The following NR3C2 variants were observed in gnomAD, a reference collection of about 807,000 sequenced individuals.
NR3C2 encodes the protein nuclear receptor subfamily 3 group C member 2.
In NR3C2, 15 loss-of-function variants were observed where a neutral mutation model predicts 86.4. The ratio of observed to expected loss-of-function variants is 0.17; its 90% CI spans 0.12 to 0.27. The LOEUF is 0.27. Ranked by LOEUF, NR3C2 falls within the 10% of genes least tolerant of loss-of-function variation. The pLI, the probability that NR3C2 is intolerant of heterozygous loss-of-function variation, is 1.00. For synonymous variants in NR3C2, 458 were observed against 450.5 expected, an observed-to-expected ratio of 1.02 and a Z score of -0.21; for missense variants, 960 against 1,195.6, an observed-to-expected ratio of 0.80 and a Z score of 2.91.
intron 3 of NR3C2, among the ~76,000 whole-genome samples, chr4:148,217,968 C>A (rs1354847231): frequency 6.6e-6 from 1 of 152,192 alleles, no homozygotes; most frequent in Non-Finnish European, 1.5e-5. Context: ...CAAGGCAAAT[C>A]TACTGTAACT....
intron 8 of NR3C2, among the ~76,000 whole-genome samples, chr4:148,099,280 GCCACACCCCCATGACA>G: frequency 6.6e-6 from 1 of 152,284 alleles, no homozygotes; most frequent in East Asian, 1.9e-4. Context: ...GGACTGCAAG[GCCACACCCCCATGACA>G]CTTGGCCCTG....
At chr4:148,318,788 A>G (rs1743376437) in intron 2 of NR3C2, among the ~76,000 whole-genome samples, 1 of 152,114 alleles carries the variant, frequency 6.6e-6, no homozygotes, top group East Asian at 1.9e-4. Context: ...CCTTTGTCAG[A>G]TGAGTAGGTT....
At chr4:148,273,853 C>T (rs574951490) in intron 2 of NR3C2, among the ~76,000 whole-genome samples, 121 of 152,270 alleles carry the variant, frequency 7.9e-4, no homozygotes, top group African/African-American at 2.7e-3. Context: ...AACAGAATCA[C>T]GGTGATCCTG....
chr4:148,320,011 G>C (rs571822853), intron 2 of NR3C2, among the ~76,000 whole-genome samples: 31 of 147,552 alleles, frequency 2.1e-4, no homozygotes, highest in Non-Finnish European at 3.8e-4. Context: ...ATTGGCTGTG[G>C]GTTTTCATAG....
intron 2 of NR3C2, among the ~76,000 whole-genome samples, chr4:148,293,135 A>G (rs925772752): frequency 2.0e-5 from 3 of 152,174 alleles, no homozygotes; most frequent in African/African-American, 7.2e-5. Flanking sequence ...TTGGAATTAT[A>G]TAAGGAAAGT....
intron 8 of NR3C2, among the ~76,000 whole-genome samples, chr4:148,101,634 C>T (rs1363812229): frequency 6.6e-6 from 1 of 152,148 alleles, no homozygotes; most frequent in African/African-American, 2.4e-5. Flanking sequence ...TATATGCATA[C>T]AGTACATAAT....
intron 2 of NR3C2, among the ~76,000 whole-genome samples, chr4:148,434,489 A>G (rs926232177): frequency 6.6e-6 from 1 of 152,210 alleles, no homozygotes; most frequent in Non-Finnish European, 1.5e-5. Flanking sequence ...AAGATTGTCC[A>G]CTTAGTAATT....
Position 148,114,230 on chromosome 4 carries a change from T to C in NR3C2, c.2673A>G (p.Ala891=), listed in dbSNP as rs1732173234. The C allele has an allele frequency of 1.9e-6, 3 of 1,614,024 alleles. No individual in the cohort carries two copies. Among genetic ancestry groups the C allele is most frequent in the South Asian group, 2.2e-5 (2 of 91,080 alleles). The change falls in exon 8 of 9, where the codon GCA becomes GCG. Residue 891 remains alanine, a synonymous_variant. Transcript: ENST00000358102. ...IPKDGLKSQA[A]FEEMRTNYIK... ...TGTAATTTGTCCTCATTTCTTCAAA[T>C]GCAGCCTGGCTTTTGAGGCCATCCT... is the stretch of plus-strand genomic sequence containing the variant.
At chr4:148,243,765 A>C (rs6832393) in intron 3 of NR3C2, among the ~76,000 whole-genome samples, 59,838 of 152,104 alleles carry the variant, frequency 0.39, 11,947 homozygotes, top group Admixed American at 0.49. Context: ...TGCAGCCGCT[A>C]TGATTTCTTA....
chr4:148,418,394 A>G (rs551790572), intron 2 of NR3C2, among the ~76,000 whole-genome samples: 19 of 152,190 alleles, frequency 1.2e-4, no homozygotes, highest in African/African-American at 4.3e-4. Flanking sequence ...GTTAATCTTC[A>G]TTTGTATTGC....
chr4:148,348,240 C>T (rs1745097960), intron 2 of NR3C2, among the ~76,000 whole-genome samples: 1 of 152,038 alleles, frequency 6.6e-6, no homozygotes, highest in Non-Finnish European at 1.5e-5. Flanking sequence ...AGTTACATTC[C>T]CCCACCAGCC....
At chr4:148,443,474 G>C (rs1289740967), upstream of NR3C2, among the ~76,000 whole-genome samples, 5 of 152,088 alleles carry the variant, frequency 3.3e-5, no homozygotes, top group Non-Finnish European at 5.9e-5. Flanking sequence ...GAACCAAACT[G>C]TTTTCTAAGG....
intron 4 of NR3C2, among the ~76,000 whole-genome samples, chr4:148,156,157 C>T (rs1207264553): frequency 3.3e-5 from 5 of 152,128 alleles, no homozygotes; most frequent in Non-Finnish European, 7.4e-5. Flanking sequence ...ACCATAAAAA[C>T]CCTAGAAGAA....
At chr4:148,416,329 AT>A (rs1748994880) in intron 2 of NR3C2, among the ~76,000 whole-genome samples, 1 of 152,232 alleles carries the variant, frequency 6.6e-6, no homozygotes, top group Non-Finnish European at 1.5e-5. Flanking sequence ...AAATACATTT[AT>A]GTAGGACTTA....
intron 2 of NR3C2, among the ~76,000 whole-genome samples, chr4:148,312,933 T>C (rs67804030): frequency 1.4e-3 from 210 of 152,324 alleles, no homozygotes; most frequent in Non-Finnish European, 2.1e-3. Context: ...TTGAGAATGA[T>C]TCACCTTTGA....
chr4:148,323,205 AGGGAC>A (rs2149956830), intron 2 of NR3C2, among the ~76,000 whole-genome samples: 1 of 117,668 alleles, frequency 8.5e-6, no homozygotes, highest in Admixed American at 9.9e-5. Flanking sequence ...GTCAGGGGTC[AGGGAC>A]CCACTTGAGG....
At chr4:148,371,274 TATTC>T (rs1008707917) in intron 2 of NR3C2, among the ~76,000 whole-genome samples, 16 of 152,058 alleles carry the variant, frequency 1.1e-4, no homozygotes, top group African/African-American at 3.9e-4. Context: ...TACTAGGTCT[TATTC>T]ATTCTATTTT....
chr4:148,249,737 T>A (rs886173014), intron 3 of NR3C2, among the ~76,000 whole-genome samples: 1 of 152,200 alleles, frequency 6.6e-6, no homozygotes, highest in African/African-American at 2.4e-5. Context: ...AAGAATTCAC[T>A]GTTAATTAGC....
intron 2 of NR3C2, among the ~76,000 whole-genome samples, chr4:148,344,554 C>T (rs1248134458): frequency 6.6e-6 from 1 of 152,148 alleles, no homozygotes; most frequent in Non-Finnish European, 1.5e-5. Context: ...GGCACCTGGT[C>T]AGCACTCAAT....
Sources: allele counts gnomAD v4.1 joint callset (sites outside exome capture counted in the v4.1 genomes callset), GRCh38; gene constraint gnomAD v4.1.1; transcripts MANE v1.5; gene names NCBI Gene and HGNC (gene_info 2026-07-23, HGNC 2026-07-21).